The following TAF3 variants were observed in gnomAD, a reference collection of about 807,000 sequenced individuals.
TAF3 encodes transcription initiation factor TFIID subunit 3.
In TAF3, 7 loss-of-function variants were observed where a neutral mutation model predicts 80.6. The observed-to-expected ratio is 0.09, with a 90% CI of 0.05 to 0.16. The LOEUF is 0.16. Ranked by LOEUF, TAF3 falls within the 10% of genes least tolerant of loss-of-function variation. TAF3 has a pLI of 1.00. For synonymous variants in TAF3, 444 were observed against 446.1 expected, an observed-to-expected ratio of 1.00 and a Z score of 0.06; for missense variants, 921 against 1,140.2, an observed-to-expected ratio of 0.81 and a Z score of 2.77.
chr10:7,976,035 G>C (rs953796738), intron 3 of TAF3, among the ~76,000 whole-genome samples: 7 of 152,108 alleles, frequency 4.6e-5, no homozygotes, highest in African/African-American at 1.7e-4. Flanking sequence ...TGGAAATGCA[G>C]AGCTTTTGTT....
chr10:7,825,282 A>G (rs1341149461), intron 2 of TAF3, among the ~76,000 whole-genome samples: 1 of 152,246 alleles, frequency 6.6e-6, no homozygotes, highest in Non-Finnish European at 1.5e-5. Context: ...TAAAACCTGT[A>G]TACTTCAGGA....
chr10:7,929,146 G>A (rs962774634), intron 2 of TAF3, among the ~76,000 whole-genome samples: 18 of 152,058 alleles, frequency 1.2e-4, no homozygotes, highest in African/African-American at 4.3e-4. Context: ...ATTAGAAAAT[G>A]TTTTATACAA....
intron 5 of TAF3, among the ~76,000 whole-genome samples, chr10:8,010,644 C>T (rs1028201651): frequency 6.6e-6 from 1 of 152,208 alleles, no homozygotes; most frequent in Non-Finnish European, 1.5e-5. Context: ...CAGTGGCTTA[C>T]GCCTGTAATC....
chr10:7,907,226 C>T (rs567620335), intron 2 of TAF3, among the ~76,000 whole-genome samples: 3 of 152,204 alleles, frequency 2.0e-5, no homozygotes, highest in African/African-American at 4.8e-5. Context: ...ATCAGAGCTT[C>T]GCAACACCCT....
chr10:7,883,230 A>G (rs557862455), intron 2 of TAF3, among the ~76,000 whole-genome samples: 1 of 152,228 alleles, frequency 6.6e-6, no homozygotes, highest in Admixed American at 6.5e-5. Context: ...TCTTCAATCT[A>G]GAACAGTTCC....
intron 2 of TAF3, among the ~76,000 whole-genome samples, chr10:7,855,778 A>G (rs1837072774): frequency 6.6e-6 from 1 of 152,094 alleles, no homozygotes; most frequent in Non-Finnish European, 1.5e-5. Flanking sequence ...TGCAAGAGGA[A>G]TTAATTTGAA....
intron 2 of TAF3, among the ~76,000 whole-genome samples, chr10:7,947,789 C>T (rs1838040139): frequency 6.6e-6 from 1 of 152,138 alleles, no homozygotes; most frequent in African/African-American, 2.4e-5. Flanking sequence ...ACAGGAAGCA[C>T]TGGAGGCTTT....
chr10:7,894,449 A>G (rs1837487707), intron 2 of TAF3, among the ~76,000 whole-genome samples: 2 of 152,336 alleles, frequency 1.3e-5, no homozygotes, highest in South Asian at 4.1e-4. Context: ...GGTGGTATCC[A>G]TGTCTTCATC....
chr10:7,858,806 C>CTGTGTGTG (rs34538206), intron 2 of TAF3, among the ~76,000 whole-genome samples: 25 of 150,662 alleles, frequency 1.7e-4, no homozygotes, highest in South Asian at 4.2e-4. Context: ...ATTATAGGCT[C>CTGTGTGTG]TGTGTGTGTG....
chr10:7,834,867 G>C (rs10508336), intron 2 of TAF3, among the ~76,000 whole-genome samples: 4 of 151,804 alleles, frequency 2.6e-5, no homozygotes, highest in Non-Finnish European at 5.9e-5. Flanking sequence ...TCATTTTACC[G>C]TGTGTATCTT....
chr10:7,868,582 G>A lies in TAF3; in HGVS notation c.409+44022G>A, dbSNP rs535432020. Among the ~76,000 whole-genome samples, 9 of 152,352 alleles carry A rather than the reference G, an allele frequency of 5.9e-5. No individual in the cohort carries two copies. In the South Asian group the frequency reaches 1.9e-3, roughly 32 times the overall value. ...GCACACAATCTTGGATTCACATCCT[G>A]GAGCAGCCTGTTAGTAGCCATGTTC... is the stretch of plus-strand genomic sequence containing the variant. On this transcript the variant is annotated intron_variant, in intron 2 of 6. Coordinates refer to ENST00000344293, the MANE Select transcript of TAF3 (RefSeq NM_031923.4).
In TAF3 at chr10:7,924,099, G is replaced by A. The variant is rs1031703957; in HGVS notation, c.410-39821G>A. 2.8e-4 allele frequency among the ~76,000 whole-genome samples: 42 copies of A among 152,122 alleles called. 1 individual carries two copies. Among genetic ancestry groups the A allele is most frequent in the African/African-American group, 9.9e-4 (41 of 41,420 alleles). On this transcript the variant is annotated intron_variant, in intron 2 of 6. Coordinates refer to ENST00000344293, the MANE Select transcript of TAF3 (RefSeq NM_031923.4). ...CAATGCCATTCAAAAGAATGCTTCC[G>A]AGGTCTTGACTGTTGACACGATTAC...
At chr10:7,975,983 A>G (rs924314100) in intron 3 of TAF3, among the ~76,000 whole-genome samples, 4 of 152,002 alleles carry the variant, frequency 2.6e-5, no homozygotes, top group South Asian at 2.1e-4. Context: ...AAAAATACCA[A>G]TCCTACAGCC....
At chr10:7,868,284 G>T (rs1174207690) in intron 2 of TAF3, among the ~76,000 whole-genome samples, 1 of 152,214 alleles carries the variant, frequency 6.6e-6, no homozygotes, top group Non-Finnish European at 1.5e-5. Flanking sequence ...GACCATTCAG[G>T]AGTGGAGGCA....
At chr10:7,842,446 CACCA>C (rs1836928623) in intron 2 of TAF3, among the ~76,000 whole-genome samples, 1 of 152,048 alleles carries the variant, frequency 6.6e-6, no homozygotes, top group South Asian at 2.1e-4. Context: ...AGGTGTGTGC[CACCA>C]CACCCAGCCT....
intron 2 of TAF3, among the ~76,000 whole-genome samples, chr10:7,893,171 T>G (rs985504209): frequency 1.3e-5 from 2 of 152,222 alleles, no homozygotes; most frequent in Non-Finnish European, 2.9e-5. Context: ...ACATACAGTC[T>G]TTGAGTATTT....
intron 4 of TAF3, among the ~76,000 whole-genome samples, chr10:8,006,279 G>C (rs952641246): frequency 4.6e-5 from 7 of 151,698 alleles, no homozygotes; most frequent in Admixed American, 2.6e-4. Flanking sequence ...GGGAGGCTAA[G>C]GCGGGAGAAT....
intron 2 of TAF3, among the ~76,000 whole-genome samples, chr10:7,958,910 G>A (rs756027357): frequency 9.9e-5 from 15 of 152,092 alleles, no homozygotes; most frequent in Admixed American, 8.5e-4. Context: ...TGAGGTGGGC[G>A]GATCACAAGG....
intron 2 of TAF3, among the ~76,000 whole-genome samples, chr10:7,865,705 G>A (rs531743603): frequency 6.6e-6 from 1 of 152,284 alleles, no homozygotes; most frequent in African/African-American, 2.4e-5. Flanking sequence ...AGGGGTGAAG[G>A]AAAAATAGAA....
Sources: gnomAD v4.1 joint callset for allele counts (sites outside exome capture counted in the v4.1 genomes callset) on GRCh38, gnomAD v4.1.1 for gene constraint, MANE v1.5 for transcripts, NCBI Gene and HGNC (gene_info 2026-07-23, HGNC 2026-07-21) for gene names.